The following LRP1B variants were observed in gnomAD, a reference collection of about 807,000 sequenced individuals.
The protein encoded by LRP1B is LDL receptor related protein 1B.
Under a neutral mutation model 556.6 loss-of-function variants are expected in LRP1B, and 217 were observed. The observed-to-expected ratio is 0.39, with a 90% CI of 0.35 to 0.44. LRP1B has a LOEUF of 0.44. Ranked by LOEUF, LRP1B falls within the 20% of genes least tolerant of loss-of-function variation. The pLI, the probability that LRP1B is intolerant of heterozygous loss-of-function variation, is 1.00. For synonymous variants in LRP1B, 2,047 were observed against 1,865.8 expected, an observed-to-expected ratio of 1.10 and a Z score of -2.50; for missense variants, 5,053 against 5,620.8, an observed-to-expected ratio of 0.90 and a Z score of 3.23.
chr2:142,107,147 C>T (rs1353287516), intron 1 of LRP1B, among the ~76,000 whole-genome samples: 1 of 151,988 alleles, frequency 6.6e-6, no homozygotes, highest in Non-Finnish European at 1.5e-5. Context: ...AAAACAAGTT[C>T]TATTTATTAC....
At chr2:142,028,192 C>A (rs576247141) in intron 1 of LRP1B, among the ~76,000 whole-genome samples, 55 of 152,040 alleles carry the variant, frequency 3.6e-4, no homozygotes, top group African/African-American at 1.3e-3. Context: ...ACTTTAAAAA[C>A]AATTTACATA....
intron 3 of LRP1B, among the ~76,000 whole-genome samples, chr2:141,294,679 A>G (rs988093332): frequency 6.6e-6 from 1 of 151,412 alleles, no homozygotes; most frequent in Non-Finnish European, 1.5e-5. Context: ...GTTCAAGGAT[A>G]CGGTGCACCA....
At chr2:140,912,720 C>A (rs770766759) in intron 21 of LRP1B, among the ~76,000 whole-genome samples, 3 of 151,410 alleles carry the variant, frequency 2.0e-5, no homozygotes, top group Non-Finnish European at 4.4e-5. Flanking sequence ...AGATAAGTAA[C>A]AACAATAACA....
intron 18 of LRP1B, among the ~76,000 whole-genome samples, chr2:140,970,736 T>TGAGAGAGGG (rs1696392664): frequency 3.3e-5 from 1 of 30,302 alleles, no homozygotes; most frequent in Non-Finnish European, 1.1e-4. Flanking sequence ...TTTTTTTTTT[T>TGAGAGAGGG]TTTTTTTTTT....
At chr2:141,091,966 C>T (rs1029653550) in intron 7 of LRP1B, among the ~76,000 whole-genome samples, 1 of 152,074 alleles carries the variant, frequency 6.6e-6, no homozygotes, top group African/African-American at 2.4e-5. Context: ...GGGTAAATAT[C>T]TTTTTATTAA....
intron 3 of LRP1B, among the ~76,000 whole-genome samples, chr2:141,268,667 T>A (rs754648098): frequency 6.6e-6 from 1 of 152,098 alleles, no homozygotes; most frequent in Admixed American, 6.5e-5. Flanking sequence ...GGTGGGAACA[T>A]AAACTGGAGT....
chr2:141,505,932 C>T (rs1409436843), intron 2 of LRP1B, among the ~76,000 whole-genome samples: 2 of 152,062 alleles, frequency 1.3e-5, no homozygotes, highest in East Asian at 3.9e-4. Flanking sequence ...GCACCAACCA[C>T]TGTCATTAGT....
intron 43 of LRP1B, among the ~76,000 whole-genome samples, chr2:140,568,318 GA>G (rs1681202155): frequency 1.3e-5 from 2 of 151,094 alleles, no homozygotes. Flanking sequence ...CATAAACCCT[GA>G]AACTAATTCC....
At chr2:141,269,426 C>A (rs566201162) in intron 3 of LRP1B, among the ~76,000 whole-genome samples, 1 of 152,242 alleles carries the variant, frequency 6.6e-6, no homozygotes, top group African/African-American at 2.4e-5. Context: ...GCTGACCGTG[C>A]AAGCTATCTG....
At chr2:141,132,939 A>G (rs1253156617) in intron 7 of LRP1B, among the ~76,000 whole-genome samples, 4 of 151,958 alleles carry the variant, frequency 2.6e-5, no homozygotes, top group Non-Finnish European at 5.9e-5. Context: ...ACAATCAAAA[A>G]TGATTCCATA....
intron 2 of LRP1B, among the ~76,000 whole-genome samples, chr2:141,696,591 A>G (rs1691740228): frequency 6.6e-6 from 1 of 151,984 alleles, no homozygotes; most frequent in Admixed American, 6.6e-5. Flanking sequence ...TCTCCAAAAT[A>G]TACAGCTATA....
At chr2:140,766,999 C>T (rs781316395) in intron 35 of LRP1B, among the ~76,000 whole-genome samples, 5 of 151,368 alleles carry the variant, frequency 3.3e-5, no homozygotes, top group Non-Finnish European at 7.4e-5. Flanking sequence ...TAAACATGCC[C>T]ACACCCCAAA....
chr2:140,570,317 C>T (rs1258275153), intron 43 of LRP1B, among the ~76,000 whole-genome samples: 1 of 150,276 alleles, frequency 6.7e-6, no homozygotes, highest in African/African-American at 2.4e-5. Context: ...ACAAAAGACC[C>T]CAAAAATCAT....
At chr2:141,752,945 GA>G (rs70994450) in intron 2 of LRP1B, among the ~76,000 whole-genome samples, 6 of 28,210 alleles carry the variant, frequency 2.1e-4, no homozygotes, top group South Asian at 3.6e-3. Flanking sequence ...CCCTGTCTCA[GA>G]AAAAAAAAAA....
intron 1 of LRP1B, among the ~76,000 whole-genome samples, chr2:142,080,523 G>C (rs958058471): frequency 6.8e-6 from 1 of 147,064 alleles, no homozygotes; most frequent in Non-Finnish European, 1.5e-5. Flanking sequence ...GGTTGAGTTT[G>C]TAAAAAAAAT....
intron 1 of LRP1B, among the ~76,000 whole-genome samples, chr2:141,938,399 T>G (rs1700699498): frequency 6.6e-6 from 1 of 152,078 alleles, no homozygotes; most frequent in South Asian, 2.1e-4. Context: ...AAAACCACAG[T>G]AAGGTTGGTT....
chr2:141,949,167 A>T, intron 1 of LRP1B, among the ~76,000 whole-genome samples: 1 of 152,152 alleles, frequency 6.6e-6, no homozygotes, highest in East Asian at 1.9e-4. Flanking sequence ...ATTGGTATCT[A>T]AGTATCCAAT....
intron 84 of LRP1B, 102 bp from the exon 85 acceptor site, chr2:140,274,700 G>A (rs1176769339): frequency 3.3e-6 from 3 of 896,016 alleles, no homozygotes; most frequent in Non-Finnish European, 3.3e-6. Context: ...AAAAATAATA[G>A]GTAGATTAAT....
chr2:141,023,656 G>C lies in LRP1B; in HGVS notation c.1790-3554C>G, dbSNP rs57754057. 2.0e-3 allele frequency among the ~76,000 whole-genome samples: 300 copies of C among 151,958 alleles called. 1 individual carries two copies. The highest frequency in any genetic ancestry group is 6.9e-3 in the African/African-American group (286 of 41,498). Reference sequence around the variant, plus strand: ...ATATAATTGCCTCTTTTTAAAATGGGTCCATGATTTTTAAAAGAAAGGATG... The same window carrying C: ...ATATAATTGCCTCTTTTTAAAATGGCTCCATGATTTTTAAAAGAAAGGATG... On this transcript the variant is annotated intron_variant, in intron 11 of 90. Coordinates refer to ENST00000389484, the MANE Select transcript of LRP1B (RefSeq NM_018557.3).
Sources: allele counts gnomAD v4.1 joint callset (sites outside exome capture counted in the v4.1 genomes callset), GRCh38; gene constraint gnomAD v4.1.1; transcripts MANE v1.5; gene names NCBI Gene and HGNC (gene_info 2026-07-23, HGNC 2026-07-21).